ZIC4: variants seen among roughly 807,000 people sequenced by gnomAD.
ZIC4 encodes Zic family zinc finger 4, also known as zinc finger protein ZIC 4.
Under a neutral mutation model 28.8 loss-of-function variants are expected in ZIC4, and 15 were observed. The observed-to-expected ratio is 0.52, with a 90% confidence interval of 0.35 to 0.80. ZIC4 has a LOEUF of 0.80. ZIC4 is among the 30% of genes least tolerant of loss of function. The probability of loss-of-function intolerance (pLI) is 0.01; values close to 1 mark genes in which losing one functional copy is unlikely to be tolerated. For missense variants in ZIC4, 512 were observed against 467.1 expected (o/e 1.10, Z -0.89); for synonymous variants, 220 against 198.1 (o/e 1.11, Z -0.93).
intron 4 of ZIC4, 77 bp downstream of exon 4, chr3:147,390,854 C>T: frequency 6.7e-7 from 1 of 1,496,928 alleles, no homozygotes; most frequent in Non-Finnish European, 8.9e-7. Flanking sequence ...GCGGCAGCAG[C>T]AGGGCCAGGT....
rs565076511 is a variant in ZIC4, at chr3:147,386,439, A to G, written c.*2420T>C. The G allele has an allele frequency of 6.5e-6, 1 of 152,804 alleles. No individual in the cohort carries two copies. Among genetic ancestry groups the G allele is most frequent in the East Asian group, 1.9e-4 (1 of 5,188 alleles). 9.5% of individuals were successfully genotyped at this position (152,804 alleles called of 1,614,324 possible). ...TATTACATTTTCTCATAAATTAGCA[A>G]TATAAACAAACATATGGAGACCTTC... On this transcript the variant is annotated 3_prime_UTR_variant, in exon 5 of 5. Coordinates refer to ENST00000383075, the MANE Select transcript of ZIC4 (RefSeq NM_032153.6).
intron 3 of ZIC4, among the ~76,000 whole-genome samples, chr3:147,394,187 A>T (rs2086989464): frequency 6.6e-6 from 1 of 151,344 alleles, no homozygotes; most frequent in Non-Finnish European, 1.5e-5. Context: ...GATTTGAGGG[A>T]AATGCCCGAG....
At chr3:147,395,536 G>A (rs1036333922) in intron 3 of ZIC4, among the ~76,000 whole-genome samples, 1 of 152,122 alleles carries the variant, frequency 6.6e-6, no homozygotes, top group African/African-American at 2.4e-5. Context: ...ACGACTTTGG[G>A]GAACAATGCT....
chr3:147,406,164 C>T (rs2087272450), intron 1 of ZIC4, 199 bp downstream of exon 1: 3 of 153,226 alleles, frequency 2.0e-5, no homozygotes, highest in Admixed American at 1.9e-4. Flanking sequence ...CCCCCTCCTC[C>T]CCTTAGTGTC....
chr3:147,390,815 C>T, intron 4 of ZIC4, 116 bp downstream of exon 4: 5 of 1,300,974 alleles, frequency 3.8e-6, no homozygotes, highest in Non-Finnish European at 5.2e-6. Context: ...GCAGCAATCA[C>T]AGAGGCAGCC....
At chr3:147,400,340 T>C (rs112977292) in intron 2 of ZIC4, among the ~76,000 whole-genome samples, 20 of 152,346 alleles carry the variant, frequency 1.3e-4, no homozygotes, top group African/African-American at 4.8e-4. Flanking sequence ...TTTGAACTTG[T>C]GTATGACTTT....
chr3:147,390,678 C>T (rs779180713), intron 4 of ZIC4, among the ~76,000 whole-genome samples: 1 of 152,090 alleles, frequency 6.6e-6, no homozygotes, highest in Non-Finnish European at 1.5e-5. Flanking sequence ...AAATAATGGA[C>T]ATTATATTAG....
At chr3:147,395,635 C>G (rs564673431) in intron 3 of ZIC4, among the ~76,000 whole-genome samples, 103 of 152,256 alleles carry the variant, frequency 6.8e-4, no homozygotes, top group African/African-American at 2.5e-3. Context: ...TTGTCCCCCC[C>G]AGAACAGAAA....
At position 147,396,553 on chromosome 3, in the gene ZIC4, C is replaced by T; in HGVS notation, c.71-84G>A. The T allele has an allele frequency of 2.1e-6, 3 of 1,447,144 alleles. No individual in the cohort carries two copies. Among genetic ancestry groups the T allele is most frequent in the Middle Eastern group, 5.1e-4 (2 of 3,920 alleles). 89.6% of individuals were successfully genotyped at this position (1,447,144 alleles called of 1,614,324 possible). A position where few individuals can be genotyped will look rare whatever the true frequency, so the allele number is the denominator to read the frequency against. ...CTGGGCCCCGGGGGGCAGGCCCAGC[C>T]CTGCCGCACTACGGCCTCTGCAGTC... is the stretch of plus-strand genomic sequence containing the variant. On this transcript the variant is annotated intron_variant, in intron 2 of 4. Transcript: ENST00000383075. This position sits in a 1 kb window ranked among gnomAD's most constrained non-coding sequence, Gnocchi z 4.2.
At chr3:147,395,307 A>G (rs2087015478) in intron 3 of ZIC4, among the ~76,000 whole-genome samples, 1 of 152,194 alleles carries the variant, frequency 6.6e-6, no homozygotes, top group African/African-American at 2.4e-5. Flanking sequence ...TGCTAAAGCG[A>G]AAGTGAGGGT....
chr3:147,404,238 C>T, intron 1 of ZIC4: 1 of 1,444,418 alleles, frequency 6.9e-7, no homozygotes, highest in Non-Finnish European at 9.0e-7. Context: ...CCTGTCCACC[C>T]ATAAGGCAGC....
intron 2 of ZIC4, among the ~76,000 whole-genome samples, chr3:147,400,041 A>T (rs2087133519): frequency 6.6e-6 from 1 of 152,194 alleles, no homozygotes; most frequent in Non-Finnish European, 1.5e-5. Flanking sequence ...ATAGGAGAAG[A>T]GGGGTTTTTA....
chr3:147,401,580 T>G (rs552517135), intron 2 of ZIC4, among the ~76,000 whole-genome samples: 2 of 152,248 alleles, frequency 1.3e-5, no homozygotes, highest in East Asian at 3.9e-4. Flanking sequence ...TAGAGGCTAG[T>G]CACAAACAGA....
intron 2 of ZIC4, among the ~76,000 whole-genome samples, chr3:147,397,839 T>C (rs1347612530): frequency 6.6e-6 from 1 of 152,124 alleles, no homozygotes; most frequent in Non-Finnish European, 1.5e-5. Context: ...TTTCTGGTCC[T>C]TTTCGTCTCT....
chr3:147,402,715 G>C lies in ZIC4; in HGVS notation c.70+13C>G. On this transcript the variant is annotated intron_variant, in intron 2 of 4. Coordinates refer to ENST00000383075, the MANE Select transcript of ZIC4 (RefSeq NM_032153.6). The stretch of plus-strand genomic sequence containing the variant: ...ACCAGCAAACCAATATTCAAAGGAG[G>C]ATTTTAACTTACTTGACTCTTTAAG... 6.3e-7 allele frequency: 1 copy of C among 1,591,586 alleles called. No individual in the cohort carries two copies. Among genetic ancestry groups the C allele is most frequent in the African/African-American group, 1.3e-5 (1 of 74,174 alleles).
chr3:147,402,912 G>T, intron 1 of ZIC4, 100 bp from the exon 2 acceptor site: 1 of 937,866 alleles, frequency 1.1e-6, no homozygotes, highest in Non-Finnish European at 1.6e-6. Flanking sequence ...AGAAGGAGTT[G>T]ATCTGAAGAT....
rs1473262094 is a variant in ZIC4, at chr3:147,396,812, C to A, written c.71-343G>T. On this transcript the variant is annotated intron_variant, in intron 2 of 4. Coordinates refer to ENST00000383075, the MANE Select transcript of ZIC4 (RefSeq NM_032153.6). This position sits in a 1 kb window ranked among gnomAD's most constrained non-coding sequence, Gnocchi z 4.2. ...AGAGGGGTAGGAGCTGAGCCCCAAG[C>A]GCACTTTGGCGGCTAACACCCCGGG... 2 of 228,998 alleles carry A rather than the reference C, an allele frequency of 8.7e-6. No homozygotes were observed. The highest frequency in any genetic ancestry group is 1.7e-4 in the South Asian group (1 of 5,838). The allele number at this position is 228,998 out of a possible 1,614,324, so 14.2% of individuals were successfully genotyped here.
At chr3:147,402,240 G>A (rs914449867) in intron 2 of ZIC4, among the ~76,000 whole-genome samples, 21 of 152,172 alleles carry the variant, frequency 1.4e-4, no homozygotes, top group African/African-American at 2.4e-4. Flanking sequence ...TGGGAACCTC[G>A]TCACTACCAC....
At chr3:147,393,897 C>T (rs752016807) in intron 3 of ZIC4, 1 of 456,726 alleles carries the variant, frequency 2.2e-6, no homozygotes, top group South Asian at 1.5e-5. Context: ...CAAAGTGAAT[C>T]CTTTCGGTGC....
Sources: allele counts gnomAD v4.1 joint callset (sites outside exome capture counted in the v4.1 genomes callset), GRCh38; gene constraint gnomAD v4.1.1; non-coding constraint Gnocchi (gnomAD v3.1); transcripts MANE v1.5; gene names NCBI Gene and HGNC (gene_info 2026-07-23, HGNC 2026-07-21).